Variants in GPSM1 observed in about 807,000 individuals in gnomAD.
GPSM1 encodes G protein signaling modulator 1.
In GPSM1, 48 loss-of-function variants were observed where a neutral mutation model predicts 70.5. That is an observed-to-expected ratio of 0.68 (90% CI 0.54 to 0.87). The LOEUF (loss-of-function observed/expected upper bound fraction) is 0.87, where lower values mean the gene tolerates loss of function less well. GPSM1 is among the 40% of genes least tolerant of loss of function. The probability of loss-of-function intolerance (pLI) is 0.00; values close to 1 mark genes in which losing one functional copy is unlikely to be tolerated. For missense variants in GPSM1, 981 were observed against 972.6 expected, an observed-to-expected ratio of 1.01 and a Z score of -0.11; for synonymous variants, 416 against 430.1, an observed-to-expected ratio of 0.97 and a Z score of 0.41.
chr9:136,355,071 G>A (rs1236277556), intron 11 of GPSM1: 2 of 345,258 alleles, frequency 5.8e-6, no homozygotes, highest in Admixed American at 1.0e-4. Flanking sequence ...GAGGGTGGAT[G>A]ACACATCCTG....
intron 10 of GPSM1, among the ~76,000 whole-genome samples, 169 bp from the exon 11 acceptor site, chr9:136,349,418 C>A (rs1033093350): frequency 6.6e-6 from 1 of 152,240 alleles, no homozygotes; most frequent in Non-Finnish European, 1.5e-5. Context: ...CTGCCTCTCC[C>A]GGCCCCAGCC....
intron 13 of GPSM1, 24 bp downstream of exon 13, chr9:136,356,574 G>A (rs781833301): frequency 3.9e-5 from 60 of 1,558,406 alleles, no homozygotes; most frequent in Admixed American, 7.0e-5. Flanking sequence ...CTGGGCGGGC[G>A]TGGCTCGCGG....
chr9:136,346,732 C>T (rs943205464), intron 9 of GPSM1, among the ~76,000 whole-genome samples: 14 of 152,150 alleles, frequency 9.2e-5, no homozygotes, highest in African/African-American at 2.9e-4. Context: ...CCCTCATGGT[C>T]GGGGCCAGGC....
intron 1 of GPSM1, among the ~76,000 whole-genome samples, 193 bp downstream of exon 1, chr9:136,327,956 C>T (rs1554768127): frequency 1.3e-5 from 2 of 151,866 alleles, no homozygotes; most frequent in Non-Finnish European, 1.5e-5. Context: ...AGCCCTCTTT[C>T]CCCCAAGCCA....
intron 7 of GPSM1, among the ~76,000 whole-genome samples, chr9:136,338,965 G>C (rs1832321052): frequency 6.6e-6 from 1 of 152,198 alleles, no homozygotes; most frequent in African/African-American, 2.4e-5. Flanking sequence ...ACCCATGTAT[G>C]TATGTAAATA....
chr9:136,357,924 C>A, intron 13 of GPSM1, 90 bp from the exon 14 acceptor site: 1 of 1,000,302 alleles, frequency 1.0e-6, no homozygotes, highest in Non-Finnish European at 1.6e-6. Flanking sequence ...GTGAACAGTG[C>A]ACGCTGGCCT....
At chr9:136,351,570 G>A (rs929457999) in intron 11 of GPSM1, among the ~76,000 whole-genome samples, 36 of 152,150 alleles carry the variant, frequency 2.4e-4, no homozygotes, top group African/African-American at 8.0e-4. Context: ...CAGGCTTCAC[G>A]TCACCCCAAC....
chr9:136,350,914 G>A (rs1297663958), intron 11 of GPSM1, among the ~76,000 whole-genome samples: 1 of 152,134 alleles, frequency 6.6e-6, no homozygotes, highest in Admixed American at 6.5e-5. Context: ...GGGGGGACAG[G>A]TGACAGGCCG....
chr9:136,331,898 C>A (rs1554768549), intron 1 of GPSM1: 2 of 397,178 alleles, frequency 5.0e-6, no homozygotes, highest in African/African-American at 4.1e-5. Context: ...TTAAACCCAC[C>A]ATCCTGGAGG....
In GPSM1 at chr9:136,340,068, T is replaced by C. The variant is rs1832349303; in HGVS notation, c.1083+253T>C. The stretch of plus-strand genomic sequence containing the variant: ...CTCCTTGGAGAGTTTGCACAGGGTC[T>C]CTGTGGGCTCCGCCCATCAGCGCCC... On this transcript the variant is annotated intron_variant, in intron 8 of 13. Transcript: ENST00000440944. This position sits in a 1 kb window ranked among gnomAD's most constrained non-coding sequence, Gnocchi z 7.3. Among the ~76,000 whole-genome samples the C allele has an allele frequency of 6.7e-6, 1 of 148,890 alleles. No homozygotes were observed. Among genetic ancestry groups the C allele is most frequent in the Non-Finnish European group, 1.5e-5 (1 of 67,560 alleles).
rs1409858967 is a variant in GPSM1, at chr9:136,356,397, C to T, written c.1668C>T (p.Ala556=). 1 of 1,609,500 alleles carries T rather than the reference C, an allele frequency of 6.2e-7. No individual in the cohort carries two copies. The highest frequency in any genetic ancestry group is 1.3e-5 in the African/African-American group (1 of 74,780). The change falls in exon 13 of 14, where the codon GCC becomes GCT. Residue 556 remains alanine, a synonymous_variant. Coordinates refer to ENST00000440944, the MANE Select transcript of GPSM1 (RefSeq NM_001145638.3). ...PQTEEFFDLI[A]SSQSRRLDDQ... Reference sequence around the variant, plus strand: ...CCGAGGAATTCTTCGACCTCATCGCCAGCTCCCAGAGCCGCCGGCTGGACG... The same window carrying T: ...CCGAGGAATTCTTCGACCTCATCGCTAGCTCCCAGAGCCGCCGGCTGGACG...
intron 3 of GPSM1, among the ~76,000 whole-genome samples, 176 bp downstream of exon 3, chr9:136,336,277 G>C (rs946484319): frequency 7.6e-4 from 115 of 151,876 alleles, no homozygotes; most frequent in East Asian, 5.8e-4. Context: ...CCCAAAACAG[G>C]CCCCCCCAGC....
intron 11 of GPSM1, chr9:136,354,899 T>C (rs1588708948): frequency 3.9e-6 from 4 of 1,013,042 alleles, no homozygotes; most frequent in Non-Finnish European, 3.5e-6. Context: ...CTTCCCGGGA[T>C]GTCTGGGAAG....
At chr9:136,337,723 T>G in intron 5 of GPSM1, 123 bp from the exon 6 acceptor site, 3 of 970,164 alleles carry the variant, frequency 3.1e-6, no homozygotes, top group Non-Finnish European at 4.8e-6. Context: ...CTGCAGCTGC[T>G]AGCTGCTCAC....
rs781921530 is a variant in GPSM1 at position 136,349,575 on chromosome 9, AC to A, written c.1279-8del. ...AATTGCCCAGGCCACGCACAGCCTT[AC>A]CCCTCCCCAGGAGCAGAATGGAGAC... On this transcript the variant is annotated splice_polypyrimidine_tract_variant and intron_variant, in intron 10 of 13. Coordinates refer to ENST00000440944, the MANE Select transcript of GPSM1 (RefSeq NM_001145638.3). The A allele has an allele frequency of 3.9e-6, 6 of 1,548,862 alleles. No individual in the cohort carries two copies. The South Asian group carries it at 6.0e-5, about 15-fold the overall frequency.
chr9:136,354,431 C>T (rs1219900159), intron 11 of GPSM1, among the ~76,000 whole-genome samples: 2 of 152,230 alleles, frequency 1.3e-5, no homozygotes, highest in East Asian at 1.9e-4. Flanking sequence ...TTGGGAATTC[C>T]AGGCAGCATC....
Position 136,349,711 on chromosome 9 carries a change from G to A in GPSM1, c.1403G>A (p.Gly468Asp). 1 of 1,572,416 alleles carries A rather than the reference G, an allele frequency of 6.4e-7. No individual in the cohort carries two copies. The highest frequency in any genetic ancestry group is 8.6e-7 in the Non-Finnish European group (1 of 1,159,932). Residue 468 changes from glycine to aspartate, a missense_variant, in exon 11 of 14, where the codon GGC becomes GAC. Coordinates refer to ENST00000440944, the MANE Select transcript of GPSM1 (RefSeq NM_001145638.3). ...GACGCTGAGAGGAGGCCCCGGGAGG[G>A]CAGCCACTCCCCGCTGGACAGCGCC... Reference protein sequence around the residue: ...GPDAERRPREGSHSPLDSADV... With the variant: ...GPDAERRPREDSHSPLDSADV...
Position 136,336,071 on chromosome 9 carries a change from T to A in GPSM1, c.396T>A (p.His132Gln), listed in dbSNP as rs782720479. The A allele has an allele frequency of 2.5e-6, 4 of 1,612,038 alleles. No homozygotes were observed. The highest frequency in any genetic ancestry group is 3.3e-4 in the Middle Eastern group (2 of 6,060). The change falls in exon 3 of 14, where the codon CAT (histidine) becomes CAA (glutamine). Residue 132 changes from histidine to glutamine, a missense_variant. Transcript: ENST00000440944. ...FDEAAVCCQR[H>Q]LSIAQEQGDK... is the part of the protein sequence containing the mutation. ...AGGCTGCCGTCTGCTGCCAGCGGCA[T>A]CTGAGCATCGCCCAAGAGCAGGGAG... is the stretch of plus-strand genomic sequence containing the variant.
In GPSM1 at chr9:136,337,513, C is replaced by T. The variant is rs782665655; in HGVS notation, c.651C>T (p.Asn217=). ...AQGRAYGNLG[N]THYLLGNFTE... ...GCAGGGCCTACGGCAACCTGGGCAA[C>T]ACCCACTATTTGTTGGGGAACTTCA... Residue 217 remains asparagine, a synonymous_variant, in exon 5 of 14, where the codon AAC becomes AAT. Coordinates refer to ENST00000440944, the MANE Select transcript of GPSM1 (RefSeq NM_001145638.3). 1.3e-6 allele frequency: 2 copies of T among 1,561,184 alleles called. No homozygotes were observed. Among genetic ancestry groups the T allele is most frequent in the African/African-American group, 1.4e-5 (1 of 73,998 alleles).
Sources: gnomAD v4.1 joint callset for allele counts (sites outside exome capture counted in the v4.1 genomes callset) on GRCh38, gnomAD v4.1.1 for gene constraint, Gnocchi (gnomAD v3.1) non-coding constraint, MANE v1.5 for transcripts, NCBI Gene and HGNC (gene_info 2026-07-23, HGNC 2026-07-21) for gene names.